PCCA: variants seen among roughly 807,000 people sequenced by gnomAD.
PCCA encodes the protein propionyl-CoA carboxylase subunit alpha.
Under a neutral mutation model 101.3 loss-of-function variants are expected in PCCA, and 74 were observed. The observed-to-expected ratio is 0.73, with a 90% confidence interval of 0.61 to 0.89. The LOEUF (loss-of-function observed/expected upper bound fraction) is 0.89. Ranked by LOEUF, PCCA falls within the 40% of genes least tolerant of loss-of-function variation. PCCA has a pLI of 0.00. For missense variants in PCCA, 891 were observed against 907.0 expected, an observed-to-expected ratio of 0.98 and a Z score of 0.23; for synonymous variants, 294 against 313.6, an observed-to-expected ratio of 0.94 and a Z score of 0.66.
chr13:100,389,960 A>G (rs2076720918), intron 19 of PCCA, among the ~76,000 whole-genome samples: 1 of 152,164 alleles, frequency 6.6e-6, no homozygotes, highest in Non-Finnish European at 1.5e-5. Flanking sequence ...ATGATGGAGA[A>G]TAGGTTTGGA....
intron 21 of PCCA, among the ~76,000 whole-genome samples, chr13:100,459,612 A>C (rs559326048): frequency 1.3e-5 from 2 of 152,368 alleles, no homozygotes; most frequent in East Asian, 3.9e-4. Context: ...AACAGGATGC[A>C]AAACCAGCCC....
chr13:100,515,493 G>A lies in PCCA; in HGVS notation c.1966G>A (p.Glu656Lys). The change falls in exon 22 of 24, where the codon GAG (glutamate) becomes AAG (lysine). Residue 656 changes from glutamate to lysine, a missense_variant. Physicochemically the swap from Glu to Lys is moderately conservative, Grantham distance 56 (BLOSUM62 1). Transcript: ENST00000376285. ...LNKFMLEKVT[E>K]DTSSVLRSPM... ...CAAATTTATGCTGGAAAAAGTGACT[G>A]AGGACACAAGCAGTGTTCTGCGTTC... The A allele has an allele frequency of 1.2e-6, 2 of 1,614,114 alleles. No individual in the cohort carries two copies. Among genetic ancestry groups the A allele is most frequent in the East Asian group, 2.2e-5 (1 of 44,890 alleles).
intron 10 of PCCA, among the ~76,000 whole-genome samples, chr13:100,266,641 ATG>A (rs1195624666): frequency 3.3e-5 from 5 of 152,160 alleles, no homozygotes; most frequent in Non-Finnish European, 7.3e-5. Context: ...TAAGAAGTAT[ATG>A]TGTGTATGTC....
At chr13:100,138,035 C>T (rs533554578) in intron 4 of PCCA, among the ~76,000 whole-genome samples, 6 of 152,220 alleles carry the variant, frequency 3.9e-5, no homozygotes, top group Admixed American at 3.9e-4. Flanking sequence ...GCATTCCTCT[C>T]ATTTCAGCCT....
intron 6 of PCCA, among the ~76,000 whole-genome samples, chr13:100,199,258 AC>A (rs1351776074): frequency 1.3e-5 from 2 of 152,064 alleles, no homozygotes; most frequent in East Asian, 3.9e-4. Context: ...CTCTAAACAT[AC>A]CCATTCCTTT....
intron 16 of PCCA, among the ~76,000 whole-genome samples, chr13:100,323,188 C>CT (rs958646354): frequency 2.0e-5 from 3 of 152,312 alleles, no homozygotes; most frequent in South Asian, 2.1e-4. Flanking sequence ...TCTAATAAAA[C>CT]TTTTTTTACA....
At chr13:100,234,288 C>G (rs1197070339) in intron 7 of PCCA, among the ~76,000 whole-genome samples, 1 of 152,098 alleles carries the variant, frequency 6.6e-6, no homozygotes, top group Non-Finnish European at 1.5e-5. Context: ...CTTAAATGAC[C>G]CTTTTCATGG....
At chr13:100,510,364 C>T (rs2086389968) in intron 21 of PCCA, among the ~76,000 whole-genome samples, 1 of 152,190 alleles carries the variant, frequency 6.6e-6, no homozygotes, top group Admixed American at 6.5e-5. Context: ...ACACAATTAA[C>T]ATCTCATTCC....
rs74113805 is a variant in PCCA at position 100,192,325 on chromosome 13, C to T, written c.469-17007C>T. Among the ~76,000 whole-genome samples, 1,168 of 152,212 alleles carry T rather than the reference C, an allele frequency of 7.7e-3. 16 individuals carry two copies. The highest frequency in any genetic ancestry group is 0.027 in the African/African-American group (1,116 of 41,522). On this transcript the variant is annotated intron_variant, in intron 6 of 23. Transcript: ENST00000376285. ...TTTCTCTTCTAGTTAGTCAAATAAG[C>T]GAGGTCCTGGTGCACCTCTGTCTTG...
At chr13:100,145,397 A>G (rs1049516455) in intron 4 of PCCA, among the ~76,000 whole-genome samples, 15 of 152,306 alleles carry the variant, frequency 9.8e-5, no homozygotes, top group African/African-American at 3.6e-4. Flanking sequence ...AAAACTATCT[A>G]CAGACATTGC....
chr13:100,525,154 A>G (rs1473748488), intron 22 of PCCA, among the ~76,000 whole-genome samples: 1 of 152,154 alleles, frequency 6.6e-6, no homozygotes, highest in Non-Finnish European at 1.5e-5. Context: ...ATCTAATTCT[A>G]TGATTCAGTG....
Position 100,114,253 on chromosome 13 carries a change from A to G in PCCA, c.300+2192A>G, listed in dbSNP as rs143006573. Reference sequence around the variant, plus strand: ...ATGTATAAGGAGCTCAAACAACTCTATAGGAAAAAAATCTAGTAATTTGAT... The same window carrying G: ...ATGTATAAGGAGCTCAAACAACTCTGTAGGAAAAAAATCTAGTAATTTGAT... On this transcript the variant is annotated intron_variant, in intron 4 of 23. Transcript: ENST00000376285. Among the ~76,000 whole-genome samples the G allele has an allele frequency of 2.3e-3, 356 of 152,328 alleles. 4 individuals are homozygous for G. Among genetic ancestry groups the G allele is most frequent in the African/African-American group, 8.2e-3 (342 of 41,582 alleles).
At chr13:100,376,836 A>G (rs1278485473) in intron 19 of PCCA, among the ~76,000 whole-genome samples, 4 of 152,088 alleles carry the variant, frequency 2.6e-5, no homozygotes, top group South Asian at 2.1e-4. Flanking sequence ...CTGGTGTTCC[A>G]GGCACCACTG....
At chr13:100,239,952 T>C (rs2061020265) in intron 8 of PCCA, among the ~76,000 whole-genome samples, 1 of 152,166 alleles carries the variant, frequency 6.6e-6, no homozygotes, top group South Asian at 2.1e-4. Flanking sequence ...CCTGGATGCC[T>C]CTTTTCCTCA....
intron 21 of PCCA, among the ~76,000 whole-genome samples, chr13:100,457,535 G>A (rs1301733734): frequency 6.6e-6 from 1 of 152,078 alleles, no homozygotes; most frequent in East Asian, 1.9e-4. Context: ...ATTCCTCTAG[G>A]GCAATGCAAA....
At chr13:100,469,561 A>C (rs2082822689) in intron 21 of PCCA, among the ~76,000 whole-genome samples, 1 of 152,102 alleles carries the variant, frequency 6.6e-6, no homozygotes, top group Non-Finnish European at 1.5e-5. Flanking sequence ...GGCGGATCAC[A>C]AGGTGAAGAG....
intron 18 of PCCA, among the ~76,000 whole-genome samples, chr13:100,348,407 T>G (rs976188858): frequency 1.3e-5 from 2 of 152,224 alleles, no homozygotes; most frequent in Non-Finnish European, 2.9e-5. Context: ...TAAAATGAAT[T>G]TGATGAGCTC....
At chr13:100,487,256 T>C (rs1004440855) in intron 21 of PCCA, among the ~76,000 whole-genome samples, 2 of 152,186 alleles carry the variant, frequency 1.3e-5, no homozygotes, top group African/African-American at 4.8e-5. Flanking sequence ...AGCAGTGTTA[T>C]TACTAAGGTG....
intron 19 of PCCA, among the ~76,000 whole-genome samples, chr13:100,385,124 C>T (rs369459455): frequency 6.6e-6 from 1 of 152,106 alleles, no homozygotes; most frequent in East Asian, 1.9e-4. Context: ...AAGATATTCT[C>T]TTTGAGGAAA....
Sources: gnomAD v4.1 joint callset for allele counts (sites outside exome capture counted in the v4.1 genomes callset) on GRCh38, gnomAD v4.1.1 for gene constraint, MANE v1.5 for transcripts, NCBI Gene and HGNC (gene_info 2026-07-23, HGNC 2026-07-21) for gene names.